The following PTPN13 variants were observed in gnomAD, a reference collection of about 807,000 sequenced individuals.
The protein encoded by PTPN13 is protein tyrosine phosphatase non-receptor type 13, also known as tyrosine-protein phosphatase non-receptor type 13.
In PTPN13, 191 loss-of-function variants were observed where a neutral mutation model predicts 284.0. The ratio of observed to expected loss-of-function variants is 0.67; its 90% confidence interval spans 0.60 to 0.76. The LOEUF (loss-of-function observed/expected upper bound fraction) is 0.76, where lower values mean the gene tolerates loss of function less well. PTPN13 is among the 30% of genes least tolerant of loss of function. The probability of loss-of-function intolerance (pLI) is 0.00; values close to 1 mark genes in which losing one functional copy is unlikely to be tolerated. For synonymous variants in PTPN13, 986 were observed against 1,022.3 expected, an observed-to-expected ratio of 0.96 and a Z score of 0.68; for missense variants, 2,797 against 2,939.9, an observed-to-expected ratio of 0.95 and a Z score of 1.12.
chr4:86,651,290 T>C (rs2148807281), intron 2 of PTPN13, among the ~76,000 whole-genome samples: 2 of 152,344 alleles, frequency 1.3e-5, no homozygotes, highest in South Asian at 4.1e-4. Flanking sequence ...AATGATCTTT[T>C]TATTGCATTG....
At chr4:86,722,755 A>G (rs555714151) in intron 10 of PTPN13, among the ~76,000 whole-genome samples, 1 of 152,312 alleles carries the variant, frequency 6.6e-6, no homozygotes, top group African/African-American at 2.4e-5. Context: ...TCATATTAAG[A>G]AATTTATTAT....
intron 7 of PTPN13, among the ~76,000 whole-genome samples, chr4:86,709,846 CAT>C (rs1732184272): frequency 6.6e-6 from 1 of 150,426 alleles, no homozygotes; most frequent in Non-Finnish European, 1.5e-5. Context: ...CCCTACTCTG[CAT>C]ATATTTTAGA....
At chr4:86,618,287 T>G (rs988663909) in intron 1 of PTPN13, among the ~76,000 whole-genome samples, 4 of 152,192 alleles carry the variant, frequency 2.6e-5, no homozygotes, top group Non-Finnish European at 5.9e-5. Context: ...TTGTTCTGTA[T>G]CTCTCTTTTG....
chr4:86,625,466 C>G (rs17419295), intron 1 of PTPN13, among the ~76,000 whole-genome samples: 25,501 of 152,036 alleles, frequency 0.17, 2,462 homozygotes, highest in East Asian at 0.29. Context: ...AATCCCATGG[C>G]ACTTTGAACC....
chr4:86,645,651 A>G (rs533114969), intron 2 of PTPN13, among the ~76,000 whole-genome samples: 84 of 152,358 alleles, frequency 5.5e-4, no homozygotes, highest in African/African-American at 1.9e-3. Flanking sequence ...ATGAAGGCCT[A>G]TGAAACAAAA....
chr4:86,620,883 G>A (rs1435366596), intron 1 of PTPN13, among the ~76,000 whole-genome samples: 2 of 152,142 alleles, frequency 1.3e-5, no homozygotes, highest in African/African-American at 4.8e-5. Context: ...TATTCCTGCT[G>A]TTTCCCTCTT....
intron 10 of PTPN13, among the ~76,000 whole-genome samples, chr4:86,729,570 T>G (rs1181847167): frequency 6.7e-6 from 1 of 149,710 alleles, no homozygotes; most frequent in African/African-American, 2.4e-5. Flanking sequence ...TCTTGTCTTC[T>G]CGCTTTATTT....
chr4:86,688,977 C>A, intron 4 of PTPN13, 28 bp from the exon 5 acceptor site: 1 of 1,513,422 alleles, frequency 6.6e-7, no homozygotes, highest in Non-Finnish European at 9.2e-7. Flanking sequence ...CACATTTACT[C>A]ACTGGCTTTT....
At chr4:86,612,261 A>G (rs1412030384) in intron 1 of PTPN13, among the ~76,000 whole-genome samples, 1 of 152,252 alleles carries the variant, frequency 6.6e-6, no homozygotes, top group African/African-American at 2.4e-5. Flanking sequence ...GCAGGAAAAT[A>G]TGATCTATAA....
chr4:86,661,899 T>A (rs1726528633), intron 2 of PTPN13, among the ~76,000 whole-genome samples: 1 of 152,154 alleles, frequency 6.6e-6, no homozygotes, highest in Non-Finnish European at 1.5e-5. Flanking sequence ...TTGTGTCTGC[T>A]CCTCTTACAC....
chr4:86,661,535 A>T (rs1470537150), intron 2 of PTPN13, among the ~76,000 whole-genome samples: 1 of 152,064 alleles, frequency 6.6e-6, no homozygotes, highest in Non-Finnish European at 1.5e-5. Flanking sequence ...TCTTTTTGAG[A>T]AGGAAAATGT....
At chr4:86,600,087 T>C (rs1764162631) in intron 1 of PTPN13, among the ~76,000 whole-genome samples, 1 of 152,190 alleles carries the variant, frequency 6.6e-6, no homozygotes, top group African/African-American at 2.4e-5. Context: ...GAAAACTGTT[T>C]TATTAGTTTT....
chr4:86,786,153 A>G (rs909653841), intron 40 of PTPN13, among the ~76,000 whole-genome samples: 1 of 152,194 alleles, frequency 6.6e-6, no homozygotes, highest in East Asian at 1.9e-4. Context: ...AAATAGAAAA[A>G]AAAACAATTA....
chr4:86,797,547 T>C (rs556654016), intron 41 of PTPN13, among the ~76,000 whole-genome samples: 14 of 152,094 alleles, frequency 9.2e-5, no homozygotes, highest in Admixed American at 8.5e-4. Context: ...GAGGTTCTAG[T>C]GACATGTGAA....
intron 1 of PTPN13, among the ~76,000 whole-genome samples, chr4:86,618,835 A>C (rs542657426): frequency 3.1e-3 from 475 of 152,174 alleles, no homozygotes; most frequent in Admixed American, 6.5e-3. Flanking sequence ...GGGCTGAGAC[A>C]ATGGGGTTTT....
At chr4:86,735,475 G>A (rs1007539122) in intron 14 of PTPN13, 119 bp from the exon 15 acceptor site, 2 of 1,016,040 alleles carry the variant, frequency 2.0e-6, no homozygotes, top group Non-Finnish European at 2.8e-6. Flanking sequence ...TCCTCAGAGA[G>A]AGAGGTAGAA....
chr4:86,805,888 GC>G (rs1744599096), intron 44 of PTPN13, among the ~76,000 whole-genome samples: 1 of 152,142 alleles, frequency 6.6e-6, no homozygotes, highest in Non-Finnish European at 1.5e-5. Flanking sequence ...CGGTGCAGTG[GC>G]TCACACCTTT....
At chr4:86,786,050 A>T in intron 40 of PTPN13, 114 bp downstream of exon 40, 1 of 512,048 alleles carries the variant, frequency 2.0e-6, no homozygotes, top group Non-Finnish European at 3.2e-6. Flanking sequence ...AATTAAATTT[A>T]GGAGGAAAAC....
At chr4:86,772,352 G>A (rs1424215103) in intron 31 of PTPN13, among the ~76,000 whole-genome samples, 1 of 152,078 alleles carries the variant, frequency 6.6e-6, no homozygotes, top group Non-Finnish European at 1.5e-5. Context: ...TCAGGAGTTC[G>A]AGACCAGCCT....
Sources: allele counts gnomAD v4.1 joint callset (sites outside exome capture counted in the v4.1 genomes callset), GRCh38; gene constraint gnomAD v4.1.1; transcripts MANE v1.5; gene names NCBI Gene and HGNC (gene_info 2026-07-23, HGNC 2026-07-21).